The following CCDC88A variants were observed in gnomAD, a reference collection of about 807,000 sequenced individuals.
CCDC88A encodes the protein coiled-coil and HOOK domain protein 88A, also known as girdin.
Under a neutral mutation model 234.3 loss-of-function variants are expected in CCDC88A, and 54 were observed. The ratio of observed to expected loss-of-function variants is 0.23; its 90% CI spans 0.19 to 0.29. The LOEUF is 0.29. Ranked by LOEUF, CCDC88A falls within the 10% of genes least tolerant of loss-of-function variation. The pLI, the probability that CCDC88A is intolerant of heterozygous loss-of-function variation, is 1.00. For missense variants in CCDC88A, 1,832 were observed against 2,123.4 expected, an observed-to-expected ratio of 0.86 and a Z score of 2.70; for synonymous variants, 753 against 737.8, an observed-to-expected ratio of 1.02 and a Z score of -0.33.
chr2:55,377,659 G>T lies in CCDC88A; in HGVS notation c.274-2776C>A, dbSNP rs894564728. 4.6e-5 allele frequency among the ~76,000 whole-genome samples: 7 copies of T among 151,736 alleles called. No homozygotes were observed. In the South Asian group the frequency reaches 6.3e-4, roughly 14 times the overall value. ...GAGTCTTGCTCTGTCGCCTAGGCTGGAGTGCAATGGCATCATCTCGGTTCA... is the reference window on the plus strand; with the variant it reads ...GAGTCTTGCTCTGTCGCCTAGGCTGTAGTGCAATGGCATCATCTCGGTTCA... On this transcript the variant is annotated intron_variant, in intron 3 of 32. Transcript: ENST00000436346.
intron 7 of CCDC88A, among the ~76,000 whole-genome samples, chr2:55,361,186 T>C (rs1189930395): frequency 2.6e-5 from 4 of 152,148 alleles, no homozygotes; most frequent in African/African-American, 7.2e-5. Context: ...TATTGTAATA[T>C]CTTTAACAAC....
intron 2 of CCDC88A, chr2:55,399,767 C>G (rs192021082): frequency 3.6e-4 from 55 of 152,228 alleles, no homozygotes; most frequent in African/African-American, 1.3e-3. Flanking sequence ...AAAGCTATCT[C>G]TGCATAGAAT....
At position 55,317,710 on chromosome 2, in the gene CCDC88A, G is replaced by A; in HGVS notation, c.3456C>T (p.Leu1152=). 1 of 1,613,634 alleles carries A rather than the reference G, an allele frequency of 6.2e-7. No individual in the cohort carries two copies. The highest frequency in any genetic ancestry group is 1.3e-5 in the African/African-American group (1 of 75,014). ...VIKEREDLKS[L]YDSLIKDHEK... Reference sequence around the variant, plus strand: ...CATGATCTTTGATCAGAGAATCATAGAGAGATTTTAGGTCTTCTCGCTCTT... The same window carrying A: ...CATGATCTTTGATCAGAGAATCATAAAGAGATTTTAGGTCTTCTCGCTCTT... Residue 1152 remains leucine (L), a synonymous_variant, in exon 20 of 33, where the codon CTC becomes CTT. Transcript: ENST00000436346. The surrounding 1 kb of genome is among the most constrained non-coding windows in gnomAD (Gnocchi z 4.2).
chr2:55,415,427 T>C (rs11904203), intron 2 of CCDC88A, among the ~76,000 whole-genome samples: 3 of 152,118 alleles, frequency 2.0e-5, no homozygotes, highest in Non-Finnish European at 4.4e-5. Flanking sequence ...TTTCAAGACA[T>C]TGGACATCAG....
At chr2:55,350,610 T>C (rs536103417) in intron 8 of CCDC88A, 29 of 148,536 alleles carry the variant, frequency 2.0e-4, no homozygotes, top group African/African-American at 6.8e-4. Context: ...TATTAATATA[T>C]ATTATAAAAT....
At chr2:55,359,278 T>C (rs1359070928) in intron 7 of CCDC88A, among the ~76,000 whole-genome samples, 1 of 152,122 alleles carries the variant, frequency 6.6e-6, no homozygotes, top group Non-Finnish European at 1.5e-5. Flanking sequence ...AGAAGACAGA[T>C]ACTACATTTG....
chr2:55,299,502 A>C (rs933899491), intron 29 of CCDC88A, among the ~76,000 whole-genome samples: 1 of 152,216 alleles, frequency 6.6e-6, no homozygotes, highest in African/African-American at 2.4e-5. Context: ...GTGAGTGTCC[A>C]TGCGTCATAA....
At chr2:55,296,213 C>G (rs1200932915) in intron 30 of CCDC88A, 45 bp downstream of exon 30, 1 of 1,494,080 alleles carries the variant, frequency 6.7e-7, no homozygotes, top group Non-Finnish European at 9.1e-7. Flanking sequence ...AGAAATTTAA[C>G]TTGTGGTGTT....
chr2:55,365,027 G>A lies in CCDC88A; in HGVS notation c.403-994C>T, dbSNP rs188668025. Among the ~76,000 whole-genome samples the A allele has an allele frequency of 2.7e-3, 411 of 152,146 alleles. 2 individuals carry two copies. Among genetic ancestry groups the A allele is most frequent in the African/African-American group, 9.2e-3 (383 of 41,534 alleles). ...TATAAGGCTCTGATTTATGCTTTAC[G>A]TGTTTATTTTATCAAACTGTAATGC... On this transcript the variant is annotated intron_variant, in intron 5 of 32. Transcript: ENST00000436346.
In CCDC88A at chr2:55,295,663, T is replaced by C; in HGVS notation, c.5485A>G (p.Ser1829Gly). 1 of 1,614,244 alleles carries C rather than the reference T, an allele frequency of 6.2e-7. No individual in the cohort carries two copies. The highest frequency in any genetic ancestry group is 1.1e-5 in the South Asian group (1 of 91,086). ...GAATCAACTGATATAGGCAGTCTAC[T>C]GTCCTTGGTCAAAAAATCATGGATG... ...TSIHDFLTKD[S>G]RLPISVDSPP... is the part of the protein sequence containing the mutation. The change falls in exon 31 of 33, where the codon AGT becomes GGT. Residue 1829 changes from serine (S) to glycine (G), a missense_variant. Transcript: ENST00000436346.
At chr2:55,415,176 T>C (rs1222380724) in intron 2 of CCDC88A, among the ~76,000 whole-genome samples, 1 of 151,940 alleles carries the variant, frequency 6.6e-6, no homozygotes, top group Non-Finnish European at 1.5e-5. Flanking sequence ...AGCCAGGCAT[T>C]GTGGTGCGCG....
chr2:55,334,025 A>G lies in CCDC88A; in HGVS notation c.2727+69T>C, dbSNP rs1215707289. ...ATGCAAATTACTGATAGATTCCAAT[A>G]AAACTTAAAGAAACCTTGAGTTAAA... is the stretch of plus-strand genomic sequence containing the variant. On this transcript the variant is annotated intron_variant, in intron 15 of 32. Transcript: ENST00000436346. This position sits in a 1 kb window ranked among gnomAD's most constrained non-coding sequence, Gnocchi z 6.1. The G allele has an allele frequency of 5.7e-6, 3 of 527,634 alleles. No individual in the cohort carries two copies. In the East Asian group the frequency reaches 1.0e-4, roughly 18 times the overall value. 32.7% of individuals were successfully genotyped at this position (527,634 alleles called of 1,614,324 possible). A position where few individuals can be genotyped will look rare whatever the true frequency, so the allele number is the denominator to read the frequency against.
At chr2:55,381,367 G>A (rs192914386) in intron 3 of CCDC88A, among the ~76,000 whole-genome samples, 42 of 151,992 alleles carry the variant, frequency 2.8e-4, no homozygotes, top group Middle Eastern at 3.4e-3. Context: ...AGGCAACATG[G>A]CAAAACCCTG....
chr2:55,386,518 C>G (rs66882175), intron 3 of CCDC88A, among the ~76,000 whole-genome samples: 45,660 of 151,006 alleles, frequency 0.3, 7,309 homozygotes, highest in East Asian at 0.54. Flanking sequence ...GCTGCCAAGG[C>G]TGGAGTGCAA....
intron 27 of CCDC88A, 120 bp from the exon 28 acceptor site, chr2:55,301,397 C>A: frequency 1.8e-6 from 1 of 559,708 alleles, no homozygotes; most frequent in Non-Finnish European, 3.1e-6. Flanking sequence ...ATTGACTTAA[C>A]ATATTTCATA....
chr2:55,385,612 G>A (rs752627933), intron 3 of CCDC88A, among the ~76,000 whole-genome samples: 9 of 152,066 alleles, frequency 5.9e-5, no homozygotes, highest in Non-Finnish European at 1.0e-4. Context: ...CAGCACTTTG[G>A]AAGGCTGAGG....
chr2:55,309,901 T>C lies in CCDC88A; in HGVS notation c.4080-647A>G, dbSNP rs1682117697. Among the ~76,000 whole-genome samples the C allele has an allele frequency of 6.6e-6, 1 of 152,028 alleles. No homozygotes were observed. Among genetic ancestry groups the C allele is most frequent in the South Asian group, 2.1e-4 (1 of 4,822 alleles). On this transcript the variant is annotated intron_variant, in intron 23 of 32. Transcript: ENST00000436346. The surrounding 1 kb of genome is among the most constrained non-coding windows in gnomAD (Gnocchi z 5.1). ...AAATTAATATAATAACATATAATAT[T>C]GTGTGTGTGTATATATATAAAATGA...
At chr2:55,413,687 GAGTC>G (rs146533912) in intron 2 of CCDC88A, among the ~76,000 whole-genome samples, 32 of 152,152 alleles carry the variant, frequency 2.1e-4, no homozygotes, top group African/African-American at 7.7e-4. Context: ...GTCAAGCAAA[GAGTC>G]AGGCTGGTTT....
chr2:55,408,066 A>C (rs552593768), intron 2 of CCDC88A, among the ~76,000 whole-genome samples: 2 of 151,914 alleles, frequency 1.3e-5, no homozygotes, highest in South Asian at 4.1e-4. Flanking sequence ...GTGTTAAATC[A>C]AGAGATCATA....
Sources: gnomAD v4.1 joint callset for allele counts (sites outside exome capture counted in the v4.1 genomes callset) on GRCh38, gnomAD v4.1.1 for gene constraint, Gnocchi (gnomAD v3.1) non-coding constraint, MANE v1.5 for transcripts, NCBI Gene and HGNC (gene_info 2026-07-23, HGNC 2026-07-21) for gene names.